GALR1: variants seen among roughly 807,000 people sequenced by gnomAD.
GALR1 encodes the protein galanin receptor type 1.
In GALR1, 11 loss-of-function variants were observed where a neutral mutation model predicts 17.9. The ratio of observed to expected loss-of-function variants is 0.62; its 90% CI spans 0.39 to 1.02. The LOEUF (loss-of-function observed/expected upper bound fraction) is 1.02, where lower values mean the gene tolerates loss of function less well. Among genes scored for constraint, GALR1 ranks in the 50% least tolerant of loss-of-function variants. The pLI is 0.01. For synonymous variants in GALR1, 206 were observed against 205.7 expected (o/e 1.00, Z -0.01); for missense variants, 441 against 456.9 (o/e 0.97, Z 0.32).
At chr18:77,252,377 G>A (rs1448573630) in intron 1 of GALR1, among the ~76,000 whole-genome samples, 1 of 152,158 alleles carries the variant, frequency 6.6e-6, no homozygotes, top group Non-Finnish European at 1.5e-5. Context: ...GTTTCAATAA[G>A]GCTGTGACTA....
At position 77,268,568 on chromosome 18, in the gene GALR1, CTCT is replaced by C. The variant is rs752394376; in HGVS notation, c.733-9_733-7del. 1.9e-5 allele frequency: 29 copies of C among 1,530,768 alleles called. No homozygotes were observed. The East Asian group carries it at 3.0e-4, about 16-fold the overall frequency. 94.8% of individuals were successfully genotyped at this position (1,530,768 alleles called of 1,614,324 possible). ...CCTCCTCCTCCTCCTCCTCCTCCTC[CTCT>C]TCTTCTTTTCTAGACTGCACAGACA... On this transcript the variant is annotated splice_polypyrimidine_tract_variant and intron_variant, in intron 2 of 2. Coordinates refer to ENST00000299727, the MANE Select transcript of GALR1 (RefSeq NM_001480.4).
intron 2 of GALR1, among the ~76,000 whole-genome samples, chr18:77,266,131 A>G (rs1912940068): frequency 6.6e-6 from 1 of 152,062 alleles, no homozygotes; most frequent in South Asian, 2.1e-4. Flanking sequence ...CGTAAGTTCC[A>G]ATTCCAAACC....
At position 77,251,076 on chromosome 18, in the gene GALR1, C is replaced by T; in HGVS notation, c.528C>T (p.Leu176=). The change falls in exon 1 of 3, where the codon CTC becomes CTT. Residue 176 remains leucine (L), a synonymous_variant. Transcript: ENST00000299727. ...MASPVAYHQG[L]FHPRASNQTF... ...CGCCCGTGGCCTACCACCAGGGCCT[C>T]TTCCACCCGCGCGCCAGCAACCAGA... 6.2e-7 allele frequency: 1 copy of T among 1,610,092 alleles called. No homozygotes were observed. The highest frequency in any genetic ancestry group is 8.5e-7 in the Non-Finnish European group (1 of 1,179,902).
Position 77,250,522 on chromosome 18 carries a change from C to T in GALR1, c.-27C>T. ...CCGCCCTCCCTCCCCGCGCGCCCCGCCGCTCGCCGGGACAGCCCCGCGGGC... is the reference window on the plus strand; with the variant it reads ...CCGCCCTCCCTCCCCGCGCGCCCCGTCGCTCGCCGGGACAGCCCCGCGGGC... On this transcript the variant is annotated 5_prime_UTR_variant, in exon 1 of 3. Transcript: ENST00000299727. The T allele has an allele frequency of 2.1e-6, 3 of 1,433,564 alleles. No individual in the cohort carries two copies. The highest frequency in any genetic ancestry group is 2.6e-5 in the East Asian group (1 of 37,838). The allele number at this position is 1,433,564 out of a possible 1,614,324, so 88.8% of individuals were successfully genotyped here. A position where few individuals can be genotyped will look rare whatever the true frequency, so the allele number is the denominator to read the frequency against.
intron 1 of GALR1, among the ~76,000 whole-genome samples, chr18:77,255,323 C>T (rs1018204299): frequency 5.9e-5 from 9 of 152,140 alleles, no homozygotes; most frequent in Admixed American, 1.3e-4. Context: ...CATATCATTT[C>T]TCCTGAGTAT....
Position 77,268,863 on chromosome 18 carries a change from A to AATAG in GALR1, c.1013_1016dup (p.Thr340ArgfsTer37). On this transcript the variant is annotated frameshift_variant, in exon 3 of 3. Coordinates refer to ENST00000299727, the MANE Select transcript of GALR1 (RefSeq NM_001480.4). LOFTEE classifies it high-confidence loss of function. ...GTGATACTAAAGAAAGTAAAAGTCGAATAGACACCCCACCATCAACCAATT... is the reference window on the plus strand; with the variant it reads ...GTGATACTAAAGAAAGTAAAAGTCGAATAGATAGACACCCCACCATCAACCAATT... The AATAG allele has an allele frequency of 6.2e-7, 1 of 1,613,502 alleles. No homozygotes were observed. The highest frequency in any genetic ancestry group is 8.5e-7 in the Non-Finnish European group (1 of 1,179,500).
In GALR1 at chr18:77,250,564, G is replaced by C; in HGVS notation, c.16G>C (p.Gly6Arg). MELAVGNLSEGNASWP... is the reference protein window; with the variant it reads MELAVRNLSEGNASWP... ...CCCGCGGGCCATGGAGCTGGCGGTC[G>C]GGAACCTCAGCGAGGGCAACGCGAG... The change falls in exon 1 of 3, where the codon GGG becomes CGG. Residue 6 changes from glycine (G) to arginine (R), a missense_variant. Transcript: ENST00000299727. 6.5e-7 allele frequency: 1 copy of C among 1,534,308 alleles called. No homozygotes were observed. The highest frequency in any genetic ancestry group is 8.7e-7 in the Non-Finnish European group (1 of 1,145,614).
chr18:77,254,614 A>G (rs1257313263), intron 1 of GALR1, among the ~76,000 whole-genome samples: 2 of 152,184 alleles, frequency 1.3e-5, no homozygotes, highest in Admixed American at 1.3e-4. Flanking sequence ...GAAGGCTGCC[A>G]CTGAGCCATC....
chr18:77,262,549 A>G (rs963562688), intron 2 of GALR1, among the ~76,000 whole-genome samples: 8 of 152,084 alleles, frequency 5.3e-5, no homozygotes, highest in Non-Finnish European at 4.4e-5. Flanking sequence ...ACTGAATTGG[A>G]CTCACCTCAA....
chr18:77,255,353 A>G (rs934053573), intron 1 of GALR1, among the ~76,000 whole-genome samples: 2 of 152,250 alleles, frequency 1.3e-5, no homozygotes, highest in South Asian at 4.1e-4. Flanking sequence ...AAGAAAAGAC[A>G]AAAATAGTTT....
rs35556274 is a variant in GALR1 at position 77,271,246 on chromosome 18, A to ACCCCCCCCCCCC, written c.*2346_*2357dup. ...CAAAAAGTAATAGCTTGCGCTTGAA[A>ACCCCCCCCCCCC]CCCCCCCCCCCCCGCCACTTTGCTA... On this transcript the variant is annotated 3_prime_UTR_variant, in exon 3 of 3. Transcript: ENST00000299727. The ACCCCCCCCCCCC allele has an allele frequency of 9.0e-5, 7 of 77,946 alleles. No individual in the cohort carries two copies. The highest frequency in any genetic ancestry group is 8.5e-5 in the Non-Finnish European group (3 of 35,090). 4.8% of individuals were successfully genotyped at this position (77,946 alleles called of 1,614,324 possible).
At chr18:77,268,549 C>G (rs1192628220) in intron 2 of GALR1, 36 bp from the exon 3 acceptor site, 1 of 1,298,822 alleles carries the variant, frequency 7.7e-7, no homozygotes, top group East Asian at 2.6e-5. Flanking sequence ...ACCGCCTCCT[C>G]CTCCTCCTCC....
intron 2 of GALR1, among the ~76,000 whole-genome samples, chr18:77,259,907 G>A (rs1216166511): frequency 6.6e-6 from 1 of 152,024 alleles, no homozygotes; most frequent in Non-Finnish European, 1.5e-5. Context: ...CCTGAAGACA[G>A]GAACTGGGTT....
rs948009555 is a variant in GALR1, at chr18:77,270,575, G to C, written c.*1673G>C. 2 of 151,222 alleles carry C rather than the reference G, an allele frequency of 1.3e-5. No homozygotes were observed. The highest frequency in any genetic ancestry group is 6.6e-5 in the Admixed American group (1 of 15,166). 9.4% of individuals were successfully genotyped at this position (151,222 alleles called of 1,614,324 possible). ...GTGTGTGTGTGTGTAATGTACCTCT[G>C]TGCCAAATCAGCACTCCACATGAAA... is the stretch of plus-strand genomic sequence containing the variant. On this transcript the variant is annotated 3_prime_UTR_variant, in exon 3 of 3. Transcript: ENST00000299727.
chr18:77,267,357 A>G (rs1339824089), intron 2 of GALR1, among the ~76,000 whole-genome samples: 1 of 151,962 alleles, frequency 6.6e-6, no homozygotes, highest in Non-Finnish European at 1.5e-5. Context: ...TGCCAGCCCC[A>G]CCTTTGCATT....
Position 77,271,246 on chromosome 18 carries a change from A to AGGCC in GALR1, c.*2344_*2345insGGCC, listed in dbSNP as rs1913055960. 1 of 77,986 alleles carries AGGCC rather than the reference A, an allele frequency of 1.3e-5. No individual in the cohort carries two copies. Among genetic ancestry groups the AGGCC allele is most frequent in the Non-Finnish European group, 2.9e-5 (1 of 35,086 alleles). 4.8% of individuals were successfully genotyped at this position (77,986 alleles called of 1,614,324 possible). ...CAAAAAGTAATAGCTTGCGCTTGAAACCCCCCCCCCCCCGCCACTTTGCTA... is the reference window on the plus strand; with the variant it reads ...CAAAAAGTAATAGCTTGCGCTTGAAAGGCCCCCCCCCCCCCCCGCCACTTTGCTA... On this transcript the variant is annotated 3_prime_UTR_variant, in exon 3 of 3. Transcript: ENST00000299727.
At chr18:77,268,461 T>A in intron 2 of GALR1, 124 bp from the exon 3 acceptor site, 1 of 669,584 alleles carries the variant, frequency 1.5e-6, no homozygotes, top group Non-Finnish European at 2.6e-6. Flanking sequence ...TACATAAAAT[T>A]AGCTTAGGAT....
rs1276649482 is a variant in GALR1 at position 77,273,352 on chromosome 18, G to A, written c.*4450G>A. ...TAATCGTGAATGATGAATAAGAAGG[G>A]AAGGTGGGGCCGGGCATGTGACTTA... On this transcript the variant is annotated 3_prime_UTR_variant, in exon 3 of 3. Transcript: ENST00000299727. The A allele has an allele frequency of 6.6e-6, 1 of 152,274 alleles. No individual in the cohort carries two copies. Among genetic ancestry groups the A allele is most frequent in the African/African-American group, 2.4e-5 (1 of 41,448 alleles). The allele number at this position is 152,274 out of a possible 1,614,324, so 9.4% of individuals were successfully genotyped here. A position where few individuals can be genotyped will look rare whatever the true frequency, so the allele number is the denominator to read the frequency against.
intron 2 of GALR1, among the ~76,000 whole-genome samples, chr18:77,264,032 G>A (rs1912890181): frequency 6.8e-6 from 1 of 146,658 alleles, no homozygotes; most frequent in Admixed American, 6.9e-5. Flanking sequence ...TACTCAGGTA[G>A]GTGAGGCAGA....
Sources: allele counts gnomAD v4.1 joint callset (sites outside exome capture counted in the v4.1 genomes callset), GRCh38; gene constraint gnomAD v4.1.1; transcripts MANE v1.5; gene names NCBI Gene and HGNC (gene_info 2026-07-23, HGNC 2026-07-21).